Variants in VAT1L observed in about 807,000 individuals in gnomAD.
The protein encoded by VAT1L is putative NADPH-dependent quinone oxidoreductase VAT1L.
Under a neutral mutation model 44.1 loss-of-function variants are expected in VAT1L, and 34 were observed. The observed-to-expected ratio is 0.77, with a 90% CI of 0.59 to 1.03. The LOEUF is 1.03. Among genes scored for constraint, VAT1L ranks in the 50% least tolerant of loss-of-function variants. The pLI, the probability that VAT1L is intolerant of heterozygous loss-of-function variation, is 0.00. For synonymous variants in VAT1L, 253 were observed against 202.2 expected (o/e 1.25, Z -2.13); for missense variants, 615 against 538.8 (o/e 1.14, Z -1.40).
At chr16:77,833,335 C>T (rs1213928447) in intron 3 of VAT1L, among the ~76,000 whole-genome samples, 1 of 152,164 alleles carries the variant, frequency 6.6e-6, no homozygotes, top group African/African-American at 2.4e-5. Flanking sequence ...AGAGACCTGA[C>T]CTGCACCAGA....
chr16:77,976,952 T>C (rs571872152), intron 8 of VAT1L, among the ~76,000 whole-genome samples: 6 of 152,174 alleles, frequency 3.9e-5, no homozygotes, highest in Non-Finnish European at 7.3e-5. Context: ...TTGTGTCTGC[T>C]CTTCTTAAGT....
intron 1 of VAT1L, among the ~76,000 whole-genome samples, chr16:77,791,452 C>T (rs1040173542): frequency 1.3e-5 from 2 of 152,106 alleles, no homozygotes; most frequent in Non-Finnish European, 2.9e-5. Flanking sequence ...ATCATGGACC[C>T]TTTTTCATTA....
rs576214736 is a variant in VAT1L at position 77,834,679 on chromosome 16, GA to G, written c.579+9228del. On this transcript the variant is annotated intron_variant, in intron 3 of 8. Transcript: ENST00000302536. ...ATTTGAGCTTTATGTGAGCAAGGGA[GA>G]AAAAAAAAAGAAGCTTCTCTTATCT... Among the ~76,000 whole-genome samples, 1,198 of 148,126 alleles carry G rather than the reference GA, an allele frequency of 8.1e-3. 8 individuals are homozygous for G. Among genetic ancestry groups the G allele is most frequent in the Non-Finnish European group, 0.011 (752 of 66,958 alleles).
At chr16:77,857,725 C>T (rs978260264) in intron 3 of VAT1L, among the ~76,000 whole-genome samples, 8 of 149,256 alleles carry the variant, frequency 5.4e-5, no homozygotes, top group Non-Finnish European at 1.2e-4. Flanking sequence ...ATTAATTGTA[C>T]ATTATTCTAG....
intron 7 of VAT1L, among the ~76,000 whole-genome samples, chr16:77,886,668 A>C (rs2017212730): frequency 6.6e-6 from 1 of 152,228 alleles, no homozygotes; most frequent in East Asian, 1.9e-4. Context: ...GTTTTCATTC[A>C]GAGGAGTAGG....
At chr16:77,958,735 G>A (rs547235546) in intron 7 of VAT1L, among the ~76,000 whole-genome samples, 73 of 152,288 alleles carry the variant, frequency 4.8e-4, no homozygotes, top group African/African-American at 1.7e-3. Flanking sequence ...TTGATCAGGA[G>A]AACAACTACC....
At chr16:77,796,589 T>C (rs1372302678) in intron 1 of VAT1L, among the ~76,000 whole-genome samples, 1 of 152,196 alleles carries the variant, frequency 6.6e-6, no homozygotes, top group Non-Finnish European at 1.5e-5. Context: ...GATATGCACT[T>C]TTACTTATTG....
At chr16:77,897,066 G>A (rs1171690393) in intron 7 of VAT1L, among the ~76,000 whole-genome samples, 1 of 152,178 alleles carries the variant, frequency 6.6e-6, no homozygotes, top group East Asian at 1.9e-4. Flanking sequence ...ATTTTTCCAA[G>A]ATATCTGTAC....
chr16:77,808,482 C>T (rs1228906390), intron 1 of VAT1L, among the ~76,000 whole-genome samples: 1 of 152,110 alleles, frequency 6.6e-6, no homozygotes, highest in Non-Finnish European at 1.5e-5. Flanking sequence ...CCCACCCCTG[C>T]TCCATGGAAA....
chr16:77,940,977 A>C (rs1305937267), intron 7 of VAT1L, among the ~76,000 whole-genome samples: 1 of 152,152 alleles, frequency 6.6e-6, no homozygotes, highest in Non-Finnish European at 1.5e-5. Context: ...GCAGGCTTCA[A>C]GTTCAGAGTC....
intron 7 of VAT1L, among the ~76,000 whole-genome samples, chr16:77,951,431 A>C (rs1567519973): frequency 6.6e-6 from 1 of 152,196 alleles, no homozygotes; most frequent in Non-Finnish European, 1.5e-5. Context: ...CTGTAATCCC[A>C]GCTACTCGGG....
At chr16:77,810,651 C>T (rs1050188664) in intron 1 of VAT1L, among the ~76,000 whole-genome samples, 20 of 152,058 alleles carry the variant, frequency 1.3e-4, no homozygotes, top group African/African-American at 4.8e-4. Flanking sequence ...GCCTGGGTGA[C>T]AGAGCTAGAC....
chr16:77,976,544 C>T (rs964029436), intron 8 of VAT1L, among the ~76,000 whole-genome samples: 3 of 152,092 alleles, frequency 2.0e-5, no homozygotes, highest in Admixed American at 6.6e-5. Flanking sequence ...AGCCATGAAG[C>T]AGCCAAGGAC....
chr16:77,897,869 C>T (rs2017340565), intron 7 of VAT1L, among the ~76,000 whole-genome samples: 1 of 152,162 alleles, frequency 6.6e-6, no homozygotes, highest in African/African-American at 2.4e-5. Flanking sequence ...AAAATAGGAA[C>T]AGCTGACTTT....
At chr16:77,930,195 A>T (rs995720473) in intron 7 of VAT1L, among the ~76,000 whole-genome samples, 9 of 151,900 alleles carry the variant, frequency 5.9e-5, no homozygotes, top group African/African-American at 2.2e-4. Flanking sequence ...CCCCCAACAC[A>T]TATTCCTTAT....
At position 77,915,002 on chromosome 16, in the gene VAT1L, G is replaced by C. The variant is rs112568833; in HGVS notation, c.1077+30200G>C. 6.5e-3 allele frequency among the ~76,000 whole-genome samples: 995 copies of C among 152,292 alleles called. 10 individuals are homozygous for C. The highest frequency in any genetic ancestry group is 0.023 in the African/African-American group (943 of 41,574). On this transcript the variant is annotated intron_variant, in intron 7 of 8. Transcript: ENST00000302536. ...TAGCCAGGCCTAGTGGCACATGTCT[G>C]TAATCCCAGCTACTCGGGAGGCTGA...
At chr16:77,813,855 G>A (rs1408992548) in intron 1 of VAT1L, among the ~76,000 whole-genome samples, 1 of 152,186 alleles carries the variant, frequency 6.6e-6, no homozygotes, top group Non-Finnish European at 1.5e-5. Flanking sequence ...CCAATACTGG[G>A]CCCACATTGG....
At position 77,922,890 on chromosome 16, in the gene VAT1L, G is replaced by A. The variant is rs76525606; in HGVS notation, c.1077+38088G>A. ...AAAGTGTGCACTGTGAACCACCTGA[G>A]TTGGAATTCCTGGGGAGCTTTATAA... On this transcript the variant is annotated intron_variant, in intron 7 of 8. Transcript: ENST00000302536. Among the ~76,000 whole-genome samples the A allele has an allele frequency of 6.1e-3, 926 of 152,256 alleles. 6 individuals are homozygous for A. The highest frequency in any genetic ancestry group is 0.021 in the African/African-American group (877 of 41,542).
At chr16:77,906,927 A>G (rs2017443376) in intron 7 of VAT1L, among the ~76,000 whole-genome samples, 2 of 152,214 alleles carry the variant, frequency 1.3e-5, no homozygotes, top group South Asian at 4.1e-4. Context: ...AAAGTGATGT[A>G]GAAGAGGTGT....
Sources: gnomAD v4.1 joint callset for allele counts (sites outside exome capture counted in the v4.1 genomes callset) on GRCh38, gnomAD v4.1.1 for gene constraint, MANE v1.5 for transcripts, NCBI Gene and HGNC (gene_info 2026-07-23, HGNC 2026-07-21) for gene names.